Variants in VSIG10 observed in about 807,000 individuals in gnomAD.
VSIG10 encodes V-set and immunoglobulin domain containing 10, also known as V-set and immunoglobulin domain-containing protein 10.
Under a neutral mutation model 58.7 loss-of-function variants are expected in VSIG10, and 48 were observed. That is an observed-to-expected ratio of 0.82 (90% CI 0.65 to 1.04). The LOEUF (loss-of-function observed/expected upper bound fraction) is 1.04. Ranked by LOEUF, VSIG10 falls within the 50% of genes least tolerant of loss-of-function variation. The pLI, the probability that VSIG10 is intolerant of heterozygous loss-of-function variation, is 0.00. For missense variants in VSIG10, 628 were observed against 670.0 expected (o/e 0.94, Z 0.69); for synonymous variants, 260 against 267.1 (o/e 0.97, Z 0.26).
intron 8 of VSIG10, among the ~76,000 whole-genome samples, chr12:118,067,936 T>C (rs1456459848): frequency 6.6e-6 from 1 of 151,960 alleles, no homozygotes; most frequent in Non-Finnish European, 1.5e-5. Flanking sequence ...AGTTTAGCTA[T>C]CTTCCCCAGC....
intron 2 of VSIG10, among the ~76,000 whole-genome samples, chr12:118,086,237 C>T (rs919202457): frequency 4.6e-5 from 7 of 151,138 alleles, no homozygotes; most frequent in East Asian, 1.9e-4. Context: ...CGGAGGCAGG[C>T]GGATCACTTG....
chr12:118,100,431 A>G (rs2033593481), intron 1 of VSIG10, among the ~76,000 whole-genome samples: 1 of 152,096 alleles, frequency 6.6e-6, no homozygotes, highest in Non-Finnish European at 1.5e-5. Context: ...TGGGAGGCGG[A>G]GGTTGCAGTG....
Position 118,068,455 on chromosome 12 carries a change from G to A in VSIG10, c.1489C>T (p.Gln497Ter), listed in dbSNP as rs752624659. 3 of 1,613,682 alleles carry A rather than the reference G, an allele frequency of 1.9e-6. No homozygotes were observed. Among genetic ancestry groups the A allele is most frequent in the African/African-American group, 2.7e-5 (2 of 74,858 alleles). The change falls in exon 8 of 9, where the codon CAG becomes TAG. Residue 497 changes from glutamine to a stop codon, truncating the protein, a stop_gained. Coordinates refer to ENST00000359236, the MANE Select transcript of VSIG10 (RefSeq NM_019086.6). LOFTEE classifies it high-confidence loss of function. ...REELPKEIPK[Q>*]DHIHRVTALV... is the part of the protein sequence containing the mutation. The stretch of plus-strand genomic sequence containing the variant: ...GCGGTCACTCTGTGAATGTGGTCCT[G>A]CTTAGGTATTTCTTTTGGCAACTCC...
intron 5 of VSIG10, among the ~76,000 whole-genome samples, chr12:118,072,712 G>T (rs2032547423): frequency 6.6e-6 from 1 of 151,462 alleles, no homozygotes; most frequent in South Asian, 2.1e-4. Flanking sequence ...AAAATAAAAA[G>T]AAATAAGTAG....
chr12:118,097,539 C>T (rs11068822), intron 1 of VSIG10, among the ~76,000 whole-genome samples: 58,247 of 151,666 alleles, frequency 0.38, 11,437 homozygotes, highest in Admixed American at 0.47. Flanking sequence ...CACTTGAACC[C>T]AGGAGGTAGA....
chr12:118,097,328 A>T (rs533509531), intron 1 of VSIG10, among the ~76,000 whole-genome samples: 5 of 152,178 alleles, frequency 3.3e-5, no homozygotes, highest in Admixed American at 3.3e-4. Flanking sequence ...CAAAACTGCA[A>T]TGAGGCCGGG....
rs537328882 is a variant in VSIG10 at position 118,087,243 on chromosome 12, T to G, written c.362-4814A>C. Among the ~76,000 whole-genome samples the G allele has an allele frequency of 9.1e-4, 138 of 152,220 alleles. 2 individuals carry two copies. The highest frequency in any genetic ancestry group is 1.5e-3 in the Non-Finnish European group (103 of 68,016). On this transcript the variant is annotated intron_variant, in intron 2 of 8. Coordinates refer to ENST00000359236, the MANE Select transcript of VSIG10 (RefSeq NM_019086.6). The stretch of plus-strand genomic sequence containing the variant: ...AGCAGTGCATACTCTTGTTGTGGGA[T>G]GAGTGATGAAATCACACCACGGGTG...
At chr12:118,101,517 C>T (rs1454937895) in intron 1 of VSIG10, 1 of 152,106 alleles carries the variant, frequency 6.6e-6, no homozygotes, top group African/African-American at 2.4e-5. Flanking sequence ...TTCTTGCCCC[C>T]CAACCTTAAA....
At chr12:118,098,228 T>C (rs371785936) in intron 1 of VSIG10, among the ~76,000 whole-genome samples, 73 of 150,144 alleles carry the variant, frequency 4.9e-4, no homozygotes, top group African/African-American at 7.6e-4. Context: ...CTGCTCTCTC[T>C]GCCTCTCCCT....
chr12:118,076,317 G>A (rs1489168271), intron 4 of VSIG10, among the ~76,000 whole-genome samples: 1 of 151,552 alleles, frequency 6.6e-6, no homozygotes, highest in African/African-American at 2.4e-5. Flanking sequence ...TGAATGTGAG[G>A]ACATTTTTGT....
chr12:118,103,503 C>G (rs1461178199), intron 1 of VSIG10, 90 bp downstream of exon 1: 1 of 1,306,186 alleles, frequency 7.7e-7, no homozygotes, highest in African/African-American at 1.5e-5. Context: ...CGGATCCGGG[C>G]GGAGTCGGAG....
chr12:118,083,371 A>G (rs557423889), intron 2 of VSIG10, among the ~76,000 whole-genome samples: 1 of 152,070 alleles, frequency 6.6e-6, no homozygotes, highest in East Asian at 1.9e-4. Context: ...TGAGGTCAGG[A>G]GTTTGAGACC....
intron 2 of VSIG10, among the ~76,000 whole-genome samples, chr12:118,090,988 T>C (rs1202782326): frequency 6.6e-6 from 1 of 151,814 alleles, no homozygotes; most frequent in African/African-American, 2.4e-5. Flanking sequence ...TACAAAAAAA[T>C]AGCAGGTTTG....
At chr12:118,071,798 G>C (rs577554500) in intron 5 of VSIG10, among the ~76,000 whole-genome samples, 96 of 152,366 alleles carry the variant, frequency 6.3e-4, no homozygotes, top group African/African-American at 2.0e-3. Context: ...GAACAGAACA[G>C]AGAGTCCAGG....
chr12:118,093,761 T>C (rs982416386), intron 2 of VSIG10, among the ~76,000 whole-genome samples: 2 of 151,684 alleles, frequency 1.3e-5, no homozygotes, highest in African/African-American at 2.4e-5. Context: ...ATACAAAAAT[T>C]AGCCGGGAGA....
intron 7 of VSIG10, among the ~76,000 whole-genome samples, chr12:118,069,122 C>G (rs988620398): frequency 1.4e-5 from 2 of 144,908 alleles, no homozygotes; most frequent in Non-Finnish European, 3.0e-5. Context: ...TAGAGTCTTG[C>G]GCTGTTGCCC....
chr12:118,091,498 A>G (rs531752962), intron 2 of VSIG10, among the ~76,000 whole-genome samples: 4 of 152,066 alleles, frequency 2.6e-5, no homozygotes, highest in South Asian at 2.1e-4. Context: ...TCTCAAAAAA[A>G]AAAAAAAAAA....
intron 2 of VSIG10, among the ~76,000 whole-genome samples, chr12:118,094,374 CTTTA>C (rs965311103): frequency 3.7e-4 from 56 of 150,780 alleles, no homozygotes; most frequent in Middle Eastern, 3.7e-3. Context: ...TTTTAAAGCA[CTTTA>C]TTTGTTTATT....
At chr12:118,101,660 G>A (rs2033626308) in intron 1 of VSIG10, 1 of 152,056 alleles carries the variant, frequency 6.6e-6, no homozygotes, top group South Asian at 2.1e-4. Context: ...GAATAACCTA[G>A]GATTTACAAT....
Sources: gnomAD v4.1 joint callset for allele counts (sites outside exome capture counted in the v4.1 genomes callset) on GRCh38, gnomAD v4.1.1 for gene constraint, MANE v1.5 for transcripts, NCBI Gene and HGNC (gene_info 2026-07-23, HGNC 2026-07-21) for gene names.